Variants in PPARGC1A observed in about 807,000 individuals in gnomAD.
The protein encoded by PPARGC1A is PPARG coactivator 1 alpha, also known as peroxisome proliferator-activated receptor gamma coactivator 1-alpha.
A neutral mutation model predicts 88.7 loss-of-function variants in PPARGC1A; 25 were observed. The ratio of observed to expected loss-of-function variants is 0.28; its 90% CI spans 0.21 to 0.39. The LOEUF is 0.39. Among genes scored for constraint, PPARGC1A ranks in the 10% least tolerant of loss-of-function variants. The probability of loss-of-function intolerance (pLI) is 1.00; values close to 1 mark genes in which losing one functional copy is unlikely to be tolerated. For synonymous variants in PPARGC1A, 363 were observed against 355.6 expected (o/e 1.02, Z -0.24); for missense variants, 880 against 968.7 (o/e 0.91, Z 1.22).
At chr4:24,277,194 GC>G in the PPARGC1A span, among the ~76,000 whole-genome samples, 1 of 152,084 alleles carries the variant, frequency 6.6e-6, no homozygotes, top group Non-Finnish European at 1.5e-5. Flanking sequence ...CTGGGCTCAA[GC>G]AATCCTCCCA....
At chr4:24,412,816 T>C in the PPARGC1A span, among the ~76,000 whole-genome samples, 1 of 152,166 alleles carries the variant, frequency 6.6e-6, no homozygotes, top group African/African-American at 2.4e-5. Context: ...ACACCCACCA[T>C]TTACCCATTA....
chr4:23,972,727 T>C, the PPARGC1A span, among the ~76,000 whole-genome samples: 2 of 152,250 alleles, frequency 1.3e-5, no homozygotes, highest in African/African-American at 4.8e-5. Flanking sequence ...TATTTTTCTT[T>C]CTTTAATCAA....
chr4:23,986,308 G>A, the PPARGC1A span, among the ~76,000 whole-genome samples: 3 of 152,112 alleles, frequency 2.0e-5, no homozygotes, highest in East Asian at 1.9e-4. Flanking sequence ...AGATTTCACC[G>A]TACTTTGGTT....
At chr4:24,152,173 T>G in the PPARGC1A span, among the ~76,000 whole-genome samples, 4 of 152,236 alleles carry the variant, frequency 2.6e-5, no homozygotes, top group Non-Finnish European at 5.9e-5. Flanking sequence ...AACATGAAGT[T>G]AGCTAAAGAA....
the PPARGC1A span, among the ~76,000 whole-genome samples, chr4:24,085,596 C>T: frequency 2.9e-3 from 435 of 152,274 alleles, 4 homozygotes; most frequent in African/African-American, 0.01. Context: ...CCCTATAAAA[C>T]CTTGAGAAAT....
intron 2 of PPARGC1A, among the ~76,000 whole-genome samples, chr4:23,849,407 G>A (rs1375494148): frequency 6.6e-6 from 1 of 152,132 alleles, no homozygotes; most frequent in South Asian, 2.1e-4. Flanking sequence ...TGAATACATG[G>A]CCTTTCTACT....
the PPARGC1A span, among the ~76,000 whole-genome samples, chr4:24,357,197 G>A: frequency 2.0e-4 from 30 of 152,124 alleles, no homozygotes; most frequent in Non-Finnish European, 4.3e-4. Flanking sequence ...ATGCTAACCT[G>A]GGAAAATCCA....
the PPARGC1A span, among the ~76,000 whole-genome samples, chr4:24,461,729 C>G: frequency 2.0e-5 from 3 of 152,044 alleles, no homozygotes; most frequent in Non-Finnish European, 4.4e-5. Context: ...AAATTTAACA[C>G]AATTTAAAAA....
At chr4:24,242,124 A>G in the PPARGC1A span, among the ~76,000 whole-genome samples, 2 of 152,178 alleles carry the variant, frequency 1.3e-5, no homozygotes, top group Admixed American at 1.3e-4. Flanking sequence ...ACTGACTGCA[A>G]CATGACCTTA....
At chr4:24,311,421 G>T in the PPARGC1A span, among the ~76,000 whole-genome samples, 6 of 149,382 alleles carry the variant, frequency 4.0e-5, no homozygotes, top group African/African-American at 1.5e-4. Flanking sequence ...GGATCACGAG[G>T]TCAGGAGATC....
At chr4:24,342,578 G>T in the PPARGC1A span, among the ~76,000 whole-genome samples, 1 of 152,136 alleles carries the variant, frequency 6.6e-6, no homozygotes, top group Non-Finnish European at 1.5e-5. Context: ...TAAGGAAGTC[G>T]TTCATATTAT....
the PPARGC1A span, among the ~76,000 whole-genome samples, chr4:23,968,909 T>A: frequency 7.2e-6 from 1 of 139,488 alleles, no homozygotes; most frequent in Non-Finnish European, 1.6e-5. Flanking sequence ...CAAAACTCCA[T>A]CCCAAAACAA....
At chr4:23,944,695 A>T in the PPARGC1A span, among the ~76,000 whole-genome samples, 1 of 152,214 alleles carries the variant, frequency 6.6e-6, no homozygotes, top group Admixed American at 6.5e-5. Context: ...TCCTGTTCTC[A>T]TGATAGTGAG....
chr4:24,238,745 ATGTGTGTGTGTGTGTGTGTGTGTGTG>A, the PPARGC1A span, among the ~76,000 whole-genome samples: 14 of 121,902 alleles, frequency 1.1e-4, no homozygotes, highest in African/African-American at 3.8e-4. Flanking sequence ...AAGGTTGTAT[ATGTGTGTGTGTGTGTGTGTGTGTGTG>A]TGTGTGTGTG....
the PPARGC1A span, among the ~76,000 whole-genome samples, chr4:24,248,693 C>T: frequency 2.0e-5 from 3 of 152,164 alleles, no homozygotes; most frequent in Admixed American, 6.5e-5. Flanking sequence ...AAAATGAAGA[C>T]GCTACCTACA....
At chr4:24,031,306 A>C in the PPARGC1A span, among the ~76,000 whole-genome samples, 1 of 152,164 alleles carries the variant, frequency 6.6e-6, no homozygotes, top group Non-Finnish European at 1.5e-5. Flanking sequence ...TTAATAGATG[A>C]GTTGCTTTAT....
the PPARGC1A span, among the ~76,000 whole-genome samples, chr4:23,911,970 C>T: frequency 3.9e-5 from 6 of 152,074 alleles, no homozygotes; most frequent in African/African-American, 1.4e-4. Context: ...ACTGCATGTC[C>T]CCAAACATAA....
chr4:23,814,712 G>A (rs979120583), intron 7 of PPARGC1A, 107 bp from the exon 8 acceptor site: 7 of 1,100,404 alleles, frequency 6.4e-6, no homozygotes, highest in Non-Finnish European at 6.3e-6. Context: ...CAAGATTTCA[G>A]ACAAGGGTTC....
At chr4:24,010,736 T>C in the PPARGC1A span, among the ~76,000 whole-genome samples, 1 of 152,190 alleles carries the variant, frequency 6.6e-6, no homozygotes, top group Non-Finnish European at 1.5e-5. Context: ...CTATAAATCA[T>C]GGAGAACAAT....
Sources: gnomAD v4.1 joint callset for allele counts (sites outside exome capture counted in the v4.1 genomes callset) on GRCh38, gnomAD v4.1.1 for gene constraint, MANE v1.5 for transcripts, NCBI Gene and HGNC (gene_info 2026-07-23, HGNC 2026-07-21) for gene names.